The following CUX1 variants were observed in gnomAD, a reference collection of about 807,000 sequenced individuals.
CUX1 encodes the protein protein CASP.
CUX1 carries 31 observed loss-of-function variants against 158.8 expected under a neutral mutation model. That is an observed-to-expected ratio of 0.20 (90% CI 0.15 to 0.26). The LOEUF (loss-of-function observed/expected upper bound fraction) is 0.26, where lower values mean the gene tolerates loss of function less well. CUX1 is among the 10% of genes least tolerant of loss of function. The pLI, the probability that CUX1 is intolerant of heterozygous loss-of-function variation, is 1.00. For synonymous variants in CUX1, 879 were observed against 862.1 expected, an observed-to-expected ratio of 1.02 and a Z score of -0.34; for missense variants, 1,589 against 2,014.6, an observed-to-expected ratio of 0.79 and a Z score of 4.04.
At chr7:102,217,342 G>C (rs563471163) in intron 20 of CUX1, among the ~76,000 whole-genome samples, 5 of 152,388 alleles carry the variant, frequency 3.3e-5, no homozygotes, top group Admixed American at 3.3e-4. Flanking sequence ...CAGAGGGAAA[G>C]TGACTTTCCA....
intron 8 of CUX1, among the ~76,000 whole-genome samples, chr7:102,127,329 C>G (rs1554495615): frequency 6.6e-6 from 1 of 152,192 alleles, no homozygotes; most frequent in African/African-American, 2.4e-5. Flanking sequence ...ACCTCAGCCT[C>G]CCGAGTAGCT....
chr7:102,063,185 G>A (rs533994889), intron 3 of CUX1, among the ~76,000 whole-genome samples: 2 of 151,930 alleles, frequency 1.3e-5, no homozygotes, highest in Non-Finnish European at 2.9e-5. Flanking sequence ...AAACATAACC[G>A]TGGAATCCAG....
chr7:102,249,338 G>A lies in CUX1; in HGVS notation c.*296G>A, dbSNP rs1801230821. The A allele has an allele frequency of 9.9e-7, 1 of 1,015,076 alleles. No individual in the cohort carries two copies. The highest frequency in any genetic ancestry group is 1.7e-5 in the African/African-American group (1 of 58,102). 62.9% of individuals were successfully genotyped at this position (1,015,076 alleles called of 1,614,324 possible). Reference sequence around the variant, plus strand: ...GGCCTGGACCCCTGGACCGCTTTGCGCACTTACCGCCCTGCGGGCCACAGG... The same window carrying A: ...GGCCTGGACCCCTGGACCGCTTTGCACACTTACCGCCCTGCGGGCCACAGG... On this transcript the variant is annotated 3_prime_UTR_variant, in exon 24 of 24. Transcript: ENST00000292535.
intron 2 of CUX1, among the ~76,000 whole-genome samples, chr7:101,951,965 G>A (rs1279581450): frequency 1.3e-5 from 2 of 152,240 alleles, no homozygotes; most frequent in Non-Finnish European, 2.9e-5. Context: ...AATGGTGGGC[G>A]TGGCTGTATG....
intron 2 of CUX1, among the ~76,000 whole-genome samples, chr7:101,958,882 T>A: frequency 8.1e-6 from 1 of 123,632 alleles, no homozygotes; most frequent in East Asian, 2.7e-4. Context: ...TAAGAGACAG[T>A]ATTGCCCTGT....
In CUX1 at chr7:102,113,424, G is replaced by A. The variant is rs575033590; in HGVS notation, c.607+1650G>A. 6.6e-5 allele frequency among the ~76,000 whole-genome samples: 10 copies of A among 151,948 alleles called. No homozygotes were observed. In the East Asian group the frequency reaches 1.6e-3, roughly 24 times the overall value. On this transcript the variant is annotated intron_variant, in intron 7 of 23. Coordinates refer to ENST00000292535, the MANE Select transcript of CUX1 (RefSeq NM_181552.4). ...GTTACAGGCGCATGCCACCATGCCC[G>A]GTTAATTTTTGTATTTTTACGAGGT...
Position 102,120,251 on chromosome 7 carries a change from G to A in CUX1, c.674+4978G>A, listed in dbSNP as rs117089525. ...AATTCCCATTTTTGCTGAAGTCCAC[G>A]ATCCTATGCCCTGTCCCCAAGAATC... On this transcript the variant is annotated intron_variant, in intron 8 of 23. Coordinates refer to ENST00000292535, the MANE Select transcript of CUX1 (RefSeq NM_181552.4). Among the ~76,000 whole-genome samples, 1,411 of 152,298 alleles carry A rather than the reference G, an allele frequency of 9.3e-3. 12 individuals are homozygous for A. The highest frequency in any genetic ancestry group is 0.015 in the Non-Finnish European group (1,008 of 68,030).
chr7:102,192,626 C>A (rs1303855015), intron 12 of CUX1, among the ~76,000 whole-genome samples: 1 of 152,076 alleles, frequency 6.6e-6, no homozygotes, highest in Non-Finnish European at 1.5e-5. Flanking sequence ...CCAGCTTGGC[C>A]AAAACCGTCT....
rs568607611 is a variant in CUX1, at chr7:102,050,211, T to C, written c.190-20128T>C. ...TGCCAGCGTGACCTTGAATATCTCA[T>C]GTCCGCTTCTCTGTCCCATCCATAT... On this transcript the variant is annotated intron_variant, in intron 3 of 23. Coordinates refer to ENST00000292535, the MANE Select transcript of CUX1 (RefSeq NM_181552.4). Among the ~76,000 whole-genome samples, 7 of 152,340 alleles carry C rather than the reference T, an allele frequency of 4.6e-5. No homozygotes were observed. The South Asian group carries it at 8.3e-4, about 18-fold the overall frequency.
chr7:101,906,718 GT>G (rs568222726), intron 1 of CUX1, among the ~76,000 whole-genome samples: 74 of 152,276 alleles, frequency 4.9e-4, no homozygotes, highest in Middle Eastern at 3.4e-3. Context: ...AGCAGCTGCC[GT>G]ATCTCCAGCT....
rs782554902 is a variant in CUX1 at position 102,273,489 on chromosome 7, C to A, written c.1379C>A (p.Ala460Asp). 16 of 1,609,856 alleles carry A rather than the reference C, an allele frequency of 9.9e-6. 1 individual carries two copies. The South Asian group carries it at 1.8e-4, about 18-fold the overall frequency. ...ATTCAGTCCATCCAGCGGCCCGATGCCGAGGTGAGCCCACCCCCCTGCCCC... is the reference window on the plus strand; with the variant it reads ...ATTCAGTCCATCCAGCGGCCCGATGACGAGGTGAGCCCACCCCCCTGCCCC... Residue 460 changes from alanine to aspartate, a missense_variant, in exon 15 of 23, where the codon GCC becomes GAC. Ala to Asp is a moderately radical substitution (Grantham distance 126). Transcript: ENST00000292538.
At chr7:102,030,451 G>GT (rs879631248) in intron 3 of CUX1, among the ~76,000 whole-genome samples, 10 of 144,352 alleles carry the variant, frequency 6.9e-5, no homozygotes, top group Admixed American at 3.5e-4. Flanking sequence ...TCAAACACAC[G>GT]TGGAAGGCTC....
In CUX1 at chr7:102,198,860, G is replaced by A. The variant is rs914924057; in HGVS notation, c.1953G>A (p.Gly651=). The A allele has an allele frequency of 6.2e-7, 1 of 1,614,172 alleles. No individual in the cohort carries two copies. The highest frequency in any genetic ancestry group is 8.5e-7 in the Non-Finnish European group (1 of 1,179,986). The change falls in exon 16 of 24, where the codon GGG becomes GGA. Residue 651 remains glycine (G), a synonymous_variant. Coordinates refer to ENST00000292535, the MANE Select transcript of CUX1 (RefSeq NM_181552.4). The part of the protein sequence containing the change: ...LFQEVPKRRN[G]SEGNITTRIR... ...AGGAAGTACCGAAACGAAGAAATGG[G>A]TCTGAAGGTATGTTGCAGGCAGGCG...
rs537650980 is a variant in CUX1, at chr7:102,180,577, C to G, written c.1017+1920C>G. 2.2e-3 allele frequency among the ~76,000 whole-genome samples: 340 copies of G among 151,440 alleles called. 4 individuals are homozygous for G. Among genetic ancestry groups the G allele is most frequent in the Non-Finnish European group, 1.0e-3 (71 of 67,926 alleles). On this transcript the variant is annotated intron_variant, in intron 11 of 23. Coordinates refer to ENST00000292535, the MANE Select transcript of CUX1 (RefSeq NM_181552.4). ...CTGGGCTCAAGCAATTCTCCCACCT[C>G]GGCTCCCAAAACACTTTGGGATTAT... is the stretch of plus-strand genomic sequence containing the variant.
chr7:102,144,156 T>C (rs976299115), intron 8 of CUX1, among the ~76,000 whole-genome samples: 9 of 152,298 alleles, frequency 5.9e-5, no homozygotes, highest in African/African-American at 1.7e-4. Context: ...AGATTCTCCT[T>C]CTTCTTGAGT....
Position 102,194,515 on chromosome 7 carries a change from G to A in CUX1, c.1125+625G>A, listed in dbSNP as rs535767571. ...CTTGGGAGGCTGAGGCAGGAAGATC[G>A]CTTGAGCCCAGTAGTTCAAGGCTAT... On this transcript the variant is annotated intron_variant, in intron 13 of 23. Coordinates refer to ENST00000292535, the MANE Select transcript of CUX1 (RefSeq NM_181552.4). Among the ~76,000 whole-genome samples the A allele has an allele frequency of 6.7e-5, 10 of 150,082 alleles. No homozygotes were observed. The South Asian group carries it at 8.5e-4, about 13-fold the overall frequency.
chr7:102,278,658 A>AT (rs1554548365), intron 18 of CUX1, among the ~76,000 whole-genome samples: 1,432 of 28,744 alleles, frequency 0.05, 20 homozygotes, highest in African/African-American at 0.14. Context: ...ATAAAATAAA[A>AT]AAATAAAATA....
At chr7:101,920,843 G>A (rs1166745691) in intron 2 of CUX1, among the ~76,000 whole-genome samples, 1 of 152,094 alleles carries the variant, frequency 6.6e-6, no homozygotes, top group Non-Finnish European at 1.5e-5. Flanking sequence ...TGTTTCTAGG[G>A]TATATTGCTT....
At chr7:102,097,168 G>A (rs1030020985) in intron 4 of CUX1, among the ~76,000 whole-genome samples, 196 bp from the exon 5 acceptor site, 4 of 152,210 alleles carry the variant, frequency 2.6e-5, no homozygotes, top group African/African-American at 4.8e-5. Context: ...CGAGGACCCC[G>A]GGCTGGGTCC....
Sources: gnomAD v4.1 joint callset for allele counts (sites outside exome capture counted in the v4.1 genomes callset) on GRCh38, gnomAD v4.1.1 for gene constraint, MANE v1.5 for transcripts, NCBI Gene and HGNC (gene_info 2026-07-23, HGNC 2026-07-21) for gene names.